Variants in IMMP2L observed in about 807,000 individuals in gnomAD.
IMMP2L encodes inner mitochondrial membrane peptidase subunit 2, also known as mitochondrial inner membrane protease subunit 2.
A neutral mutation model predicts 19.3 loss-of-function variants in IMMP2L; 18 were observed. That is an observed-to-expected ratio of 0.93 (90% confidence interval 0.64 to 1.38). The LOEUF is 1.38. Among genes scored for constraint, IMMP2L ranks in the 40% most tolerant of loss-of-function variants. The probability of loss-of-function intolerance (pLI) is 0.00; values close to 1 mark genes in which losing one functional copy is unlikely to be tolerated. For synonymous variants in IMMP2L, 76 were observed against 73.0 expected, an observed-to-expected ratio of 1.04 and a Z score of -0.21; for missense variants, 233 against 218.2, an observed-to-expected ratio of 1.07 and a Z score of -0.43.
At chr7:111,189,828 A>G (rs923577038) in intron 3 of IMMP2L, among the ~76,000 whole-genome samples, 28 of 152,274 alleles carry the variant, frequency 1.8e-4, no homozygotes, top group South Asian at 6.2e-4. Context: ...AAGACTTACT[A>G]TATCTTTAAG....
chr7:111,019,206 T>A (rs1826030229), intron 3 of IMMP2L, among the ~76,000 whole-genome samples: 1 of 152,078 alleles, frequency 6.6e-6, no homozygotes, highest in African/African-American at 2.4e-5. Flanking sequence ...CTGTTGGCAT[T>A]GAGAGGGAAA....
intron 3 of IMMP2L, among the ~76,000 whole-genome samples, chr7:111,002,445 AC>A (rs1200522270): frequency 6.6e-6 from 1 of 152,126 alleles, no homozygotes; most frequent in Non-Finnish European, 1.5e-5. Context: ...GAGTTTGGCT[AC>A]CTTTCACCTT....
At chr7:111,535,639 G>C (rs978530554) in intron 1 of IMMP2L, among the ~76,000 whole-genome samples, 2 of 152,174 alleles carry the variant, frequency 1.3e-5, no homozygotes, top group Non-Finnish European at 2.9e-5. Flanking sequence ...CAAGGGTATA[G>C]AGTCAAATAC....
intron 3 of IMMP2L, among the ~76,000 whole-genome samples, chr7:111,365,736 G>T (rs1363024287): frequency 6.6e-6 from 1 of 152,162 alleles, no homozygotes; most frequent in Non-Finnish European, 1.5e-5. Flanking sequence ...GGTTTTTAAT[G>T]CCATTCCTCA....
rs1389111822 is a variant in IMMP2L, at chr7:110,886,468, T to C, written c.408+125A>G. The C allele has an allele frequency of 2.7e-5, 17 of 620,564 alleles. No individual in the cohort carries two copies. In the Admixed American group the frequency reaches 4.7e-4, roughly 17 times the overall value. The allele number at this position is 620,564 out of a possible 1,614,324, so 38.4% of individuals were successfully genotyped here. ...ATACTTAAAAGGAAATTTTCAAACA[T>C]AAACTATTCCAGTATAAATTTCATG... On this transcript the variant is annotated intron_variant, in intron 5 of 5. Transcript: ENST00000405709.
intron 3 of IMMP2L, among the ~76,000 whole-genome samples, chr7:111,445,880 C>T (rs1838326384): frequency 6.6e-6 from 1 of 152,322 alleles, no homozygotes; most frequent in African/African-American, 2.4e-5. Flanking sequence ...CAGGGCGAGG[C>T]ATTGCCTCAC....
intron 5 of IMMP2L, among the ~76,000 whole-genome samples, chr7:110,703,751 T>C (rs1005207097): frequency 3.3e-5 from 5 of 152,198 alleles, no homozygotes; most frequent in African/African-American, 1.2e-4. Flanking sequence ...GCTTATATAA[T>C]GACTAGGTTT....
chr7:110,985,560 A>G (rs1762396356), intron 3 of IMMP2L, among the ~76,000 whole-genome samples: 1 of 152,216 alleles, frequency 6.6e-6, no homozygotes, highest in Non-Finnish European at 1.5e-5. Flanking sequence ...TGATATTACC[A>G]TGACAATATA....
intron 3 of IMMP2L, among the ~76,000 whole-genome samples, chr7:111,044,854 A>C (rs1208635847): frequency 6.6e-6 from 1 of 152,206 alleles, no homozygotes; most frequent in Non-Finnish European, 1.5e-5. Flanking sequence ...GACAGTGGGT[A>C]GTTGACAACT....
intron 4 of IMMP2L, chr7:110,963,115 A>G: frequency 6.6e-7 from 1 of 1,503,914 alleles, no homozygotes; most frequent in Non-Finnish European, 8.8e-7. Flanking sequence ...GAGTCCTCTT[A>G]GTTTCTGCAT....
intron 3 of IMMP2L, among the ~76,000 whole-genome samples, chr7:110,967,919 G>C (rs1011084183): frequency 4.6e-5 from 7 of 152,072 alleles, no homozygotes; most frequent in African/African-American, 1.4e-4. Context: ...AATGTTGCCA[G>C]AGTTTAGCAT....
chr7:111,340,345 G>T (rs1393972663), intron 3 of IMMP2L, among the ~76,000 whole-genome samples: 2 of 151,850 alleles, frequency 1.3e-5, no homozygotes, highest in Non-Finnish European at 2.9e-5. Flanking sequence ...AGGAAAAGCT[G>T]GGATAAACAG....
chr7:111,438,997 A>AAC (rs1585100915), intron 3 of IMMP2L, among the ~76,000 whole-genome samples: 1 of 151,860 alleles, frequency 6.6e-6, no homozygotes, highest in Non-Finnish European at 1.5e-5. Flanking sequence ...TGCAAATGAC[A>AAC]ACATTACTTG....
intron 3 of IMMP2L, among the ~76,000 whole-genome samples, chr7:111,113,147 T>C (rs1563256506): frequency 1.3e-5 from 2 of 152,168 alleles, no homozygotes; most frequent in African/African-American, 4.8e-5. Flanking sequence ...TGTAATAATA[T>C]TGTAACTAAA....
intron 3 of IMMP2L, among the ~76,000 whole-genome samples, chr7:111,195,042 A>G (rs1409045852): frequency 6.6e-6 from 1 of 152,228 alleles, no homozygotes; most frequent in African/African-American, 2.4e-5. Context: ...AACTGTCACC[A>G]TTTAGTATAT....
chr7:110,683,493 T>G (rs1429993209), intron 5 of IMMP2L, among the ~76,000 whole-genome samples: 1 of 152,128 alleles, frequency 6.6e-6, no homozygotes, highest in Non-Finnish European at 1.5e-5. Context: ...GCTTTTACTT[T>G]AAATATTATG....
intron 3 of IMMP2L, among the ~76,000 whole-genome samples, chr7:111,105,867 C>A (rs1392873567): frequency 6.6e-6 from 1 of 151,862 alleles, no homozygotes; most frequent in Non-Finnish European, 1.5e-5. Flanking sequence ...CTTTTTATCA[C>A]TGACAGCTCT....
intron 5 of IMMP2L, among the ~76,000 whole-genome samples, chr7:110,860,380 C>A (rs1298507116): frequency 6.6e-6 from 1 of 151,842 alleles, no homozygotes; most frequent in Non-Finnish European, 1.5e-5. Context: ...ATTCTTGGAG[C>A]CCTTAAGATT....
chr7:110,795,276 T>C (rs1800784403), intron 5 of IMMP2L, among the ~76,000 whole-genome samples: 1 of 152,108 alleles, frequency 6.6e-6, no homozygotes, highest in Non-Finnish European at 1.5e-5. Context: ...TAGGTTTTCC[T>C]AGCTGTTGAC....
Sources: allele counts gnomAD v4.1 joint callset (sites outside exome capture counted in the v4.1 genomes callset), GRCh38; gene constraint gnomAD v4.1.1; transcripts MANE v1.5; gene names NCBI Gene and HGNC (gene_info 2026-07-23, HGNC 2026-07-21).